The following PDE10A variants were observed in gnomAD, a reference collection of about 807,000 sequenced individuals.
PDE10A encodes the protein phosphodiesterase 10A.
Under a neutral mutation model 97.7 loss-of-function variants are expected in PDE10A, and 39 were observed. The observed-to-expected ratio is 0.40, with a 90% CI of 0.31 to 0.52. The LOEUF (loss-of-function observed/expected upper bound fraction) is 0.52, where lower values mean the gene tolerates loss of function less well. Among genes scored for constraint, PDE10A ranks in the 20% least tolerant of loss-of-function variants. The pLI, the probability that PDE10A is intolerant of heterozygous loss-of-function variation, is 0.56. For missense variants in PDE10A, 731 were observed against 1,047.8 expected (o/e 0.70, Z 4.17); for synonymous variants, 371 against 376.8 (o/e 0.98, Z 0.18).
intron 9 of PDE10A, 85 bp downstream of exon 9, chr6:165,430,202 G>C: frequency 1.1e-6 from 1 of 887,754 alleles, no homozygotes; most frequent in Non-Finnish European, 1.8e-6. Context: ...AGCTGCAATA[G>C]ACAATGGTCT....
At chr6:165,632,200 CAAAAAAAAA>C (rs71552885) in intron 1 of PDE10A, among the ~76,000 whole-genome samples, 11 of 67,272 alleles carry the variant, frequency 1.6e-4, no homozygotes, top group African/African-American at 1.7e-4. Context: ...GAGTCCATCT[CAAAAAAAAA>C]AAAAAAAAAA....
At chr6:165,983,907 T>C (rs1785097340) in intron 1 of PDE10A, among the ~76,000 whole-genome samples, 1 of 152,232 alleles carries the variant, frequency 6.6e-6, no homozygotes, top group South Asian at 2.1e-4. Flanking sequence ...CGGTTTCCCA[T>C]TGTGAAAGCG....
intron 1 of PDE10A, among the ~76,000 whole-genome samples, chr6:165,695,803 A>G (rs146131283): frequency 2.0e-5 from 3 of 152,292 alleles, no homozygotes; most frequent in Admixed American, 6.5e-5. Flanking sequence ...TCGGGGAATG[A>G]GACATCTGGC....
intron 1 of PDE10A, among the ~76,000 whole-genome samples, chr6:165,684,256 G>C (rs1380551293): frequency 1.3e-5 from 2 of 152,118 alleles, no homozygotes; most frequent in African/African-American, 4.8e-5. Context: ...TTTGTATTTT[G>C]CTCACTGCTA....
chr6:165,465,787 G>A (rs913517915), intron 3 of PDE10A, among the ~76,000 whole-genome samples: 1 of 152,154 alleles, frequency 6.6e-6, no homozygotes, highest in Non-Finnish European at 1.5e-5. Context: ...ATCTCCATCT[G>A]GTCAAGTGCT....
intron 1 of PDE10A, among the ~76,000 whole-genome samples, chr6:165,553,516 T>A (rs986787967): frequency 2.0e-5 from 3 of 152,222 alleles, no homozygotes; most frequent in African/African-American, 7.2e-5. Flanking sequence ...TCCAAGTACA[T>A]TCCACTGAAA....
chr6:165,411,549 GA>G (rs1787837894), intron 13 of PDE10A, among the ~76,000 whole-genome samples: 1 of 152,126 alleles, frequency 6.6e-6, no homozygotes, highest in South Asian at 2.1e-4. Flanking sequence ...AAAACTGTGA[GA>G]AAAAAATTTC....
intron 2 of PDE10A, among the ~76,000 whole-genome samples, chr6:165,500,486 TG>T (rs1780804908): frequency 1.3e-5 from 2 of 152,302 alleles, no homozygotes; most frequent in South Asian, 4.1e-4. Flanking sequence ...GGATGTGCTT[TG>T]TTAAAAAAGG....
At chr6:165,367,135 G>A (rs1231748438) in intron 18 of PDE10A, among the ~76,000 whole-genome samples, 1 of 151,888 alleles carries the variant, frequency 6.6e-6, no homozygotes, top group Non-Finnish European at 1.5e-5. Flanking sequence ...GAAAAGATAG[G>A]TGAAGAGATG....
At chr6:165,465,668 A>G (rs1583337622) in intron 3 of PDE10A, among the ~76,000 whole-genome samples, 1 of 152,178 alleles carries the variant, frequency 6.6e-6, no homozygotes, top group Admixed American at 6.6e-5. Context: ...GCGGCAGGAG[A>G]GAGAATGAGT....
At chr6:165,382,300 T>C (rs949001077) in intron 17 of PDE10A, among the ~76,000 whole-genome samples, 1 of 152,146 alleles carries the variant, frequency 6.6e-6, no homozygotes, top group Admixed American at 6.6e-5. Context: ...AGGCTGTTAG[T>C]ATTCTGTCCA....
At chr6:165,705,445 C>T (rs1791683468) in intron 1 of PDE10A, among the ~76,000 whole-genome samples, 1 of 152,344 alleles carries the variant, frequency 6.6e-6, no homozygotes, top group East Asian at 1.9e-4. Flanking sequence ...GCCTTTAAAG[C>T]TAACGTTAGT....
chr6:165,746,302 T>G (rs1460334424), intron 1 of PDE10A, among the ~76,000 whole-genome samples: 2 of 152,234 alleles, frequency 1.3e-5, no homozygotes, highest in Admixed American at 1.3e-4. Context: ...TTGGAGCTGG[T>G]GTTGACACTT....
rs532753508 is a variant in PDE10A at position 165,832,906 on chromosome 6, C to T, written c.-615+154623G>A. Among the ~76,000 whole-genome samples the T allele has an allele frequency of 3.9e-5, 6 of 152,262 alleles. No homozygotes were observed. The South Asian group carries it at 6.2e-4, about 16-fold the overall frequency. On this transcript the variant is annotated intron_variant, in intron 1 of 19. Coordinates refer to the PDE10A transcript ENST00000366882. Reference sequence around the variant, plus strand: ...TTTAAATTCACAATACTGAGGTTGGCGAGGACTCTTTCATAAGGCACGATA... The same window carrying T: ...TTTAAATTCACAATACTGAGGTTGGTGAGGACTCTTTCATAAGGCACGATA...
At chr6:165,364,538 A>T (rs1195134743) in intron 18 of PDE10A, among the ~76,000 whole-genome samples, 1 of 152,222 alleles carries the variant, frequency 6.6e-6, no homozygotes, top group Non-Finnish European at 1.5e-5. Flanking sequence ...AAGAAAGAAC[A>T]CATTGATTTC....
At chr6:165,823,662 T>G (rs1779646586) in intron 1 of PDE10A, among the ~76,000 whole-genome samples, 1 of 151,648 alleles carries the variant, frequency 6.6e-6, no homozygotes, top group Non-Finnish European at 1.5e-5. Flanking sequence ...GAATCGTTTA[T>G]TGTCATTATC....
chr6:165,850,015 A>G (rs1314380640), intron 1 of PDE10A, among the ~76,000 whole-genome samples: 1 of 152,208 alleles, frequency 6.6e-6, no homozygotes, highest in Non-Finnish European at 1.5e-5. Flanking sequence ...CAAGGCTTCA[A>G]TAAGCAGCCC....
chr6:165,797,244 T>C (rs1416367099), intron 1 of PDE10A, among the ~76,000 whole-genome samples: 2 of 152,232 alleles, frequency 1.3e-5, no homozygotes, highest in Non-Finnish European at 2.9e-5. Context: ...ATTAACTGGC[T>C]ACTGGCGATC....
chr6:165,415,472 C>T (rs968238196), intron 12 of PDE10A, among the ~76,000 whole-genome samples: 1 of 152,202 alleles, frequency 6.6e-6, no homozygotes, highest in African/African-American at 2.4e-5. Flanking sequence ...CCATTTCTAG[C>T]GATTTATTAA....
Sources: allele counts gnomAD v4.1 joint callset (sites outside exome capture counted in the v4.1 genomes callset), GRCh38; gene constraint gnomAD v4.1.1; transcripts MANE v1.5; gene names NCBI Gene and HGNC (gene_info 2026-07-23, HGNC 2026-07-21).